The following LRP1B variants were observed in gnomAD, a reference collection of about 807,000 sequenced individuals.
LRP1B encodes the protein LDL receptor related protein 1B.
Under a neutral mutation model 556.6 loss-of-function variants are expected in LRP1B, and 217 were observed. That is an observed-to-expected ratio of 0.39 (90% confidence interval 0.35 to 0.44). The LOEUF is 0.44. Ranked by LOEUF, LRP1B falls within the 20% of genes least tolerant of loss-of-function variation. The pLI is 1.00. For synonymous variants in LRP1B, 2,047 were observed against 1,865.8 expected, an observed-to-expected ratio of 1.10 and a Z score of -2.50; for missense variants, 5,053 against 5,620.8, an observed-to-expected ratio of 0.90 and a Z score of 3.23.
chr2:142,116,311 G>C (rs1349845012), intron 1 of LRP1B, among the ~76,000 whole-genome samples: 1 of 151,778 alleles, frequency 6.6e-6, no homozygotes, highest in Non-Finnish European at 1.5e-5. Flanking sequence ...TACTGAGTAG[G>C]GCACATCTCT....
intron 18 of LRP1B, among the ~76,000 whole-genome samples, chr2:140,953,591 T>C (rs1695784626): frequency 6.6e-6 from 1 of 152,208 alleles, no homozygotes; most frequent in Admixed American, 6.5e-5. Flanking sequence ...AACTGATGGC[T>C]GAACAGGCTT....
At chr2:140,836,576 T>C (rs1691910650) in intron 31 of LRP1B, among the ~76,000 whole-genome samples, 1 of 152,176 alleles carries the variant, frequency 6.6e-6, no homozygotes, top group Non-Finnish European at 1.5e-5. Context: ...AAAGGAGATG[T>C]TAGTGATCTA....
chr2:140,748,749 GATA>G (rs1333324777), intron 35 of LRP1B, among the ~76,000 whole-genome samples: 2 of 87,070 alleles, frequency 2.3e-5, no homozygotes, highest in Non-Finnish European at 4.4e-5. Flanking sequence ...TATATAATAT[GATA>G]TATATTATAT....
intron 3 of LRP1B, among the ~76,000 whole-genome samples, chr2:141,297,553 T>G (rs1686227961): frequency 6.6e-6 from 1 of 152,198 alleles, no homozygotes; most frequent in Non-Finnish European, 1.5e-5. Context: ...GATTTTGATT[T>G]AGCCAGCTGC....
At chr2:140,937,871 G>A (rs769151916) in intron 20 of LRP1B, among the ~76,000 whole-genome samples, 1 of 151,416 alleles carries the variant, frequency 6.6e-6, no homozygotes, top group Non-Finnish European at 1.5e-5. Flanking sequence ...AGTTTTGATA[G>A]CCTCACTGCT....
intron 2 of LRP1B, among the ~76,000 whole-genome samples, chr2:141,787,704 GT>G (rs913682323): frequency 4.6e-5 from 7 of 150,926 alleles, no homozygotes; most frequent in African/African-American, 7.3e-5. Context: ...TATACTAAAA[GT>G]TTTTTTACTG....
chr2:141,032,616 T>G (rs939115293), intron 11 of LRP1B, among the ~76,000 whole-genome samples: 1 of 152,002 alleles, frequency 6.6e-6, no homozygotes, highest in Non-Finnish European at 1.5e-5. Flanking sequence ...AAAATTTGTA[T>G]TTCTTCTTCT....
intron 1 of LRP1B, among the ~76,000 whole-genome samples, chr2:141,836,748 C>T (rs1241442935): frequency 6.6e-6 from 1 of 151,898 alleles, no homozygotes; most frequent in East Asian, 1.9e-4. Context: ...GATCAAAATA[C>T]ATCTTGTTAG....
chr2:140,301,960 C>G (rs781685651), intron 83 of LRP1B, among the ~76,000 whole-genome samples: 1 of 151,786 alleles, frequency 6.6e-6, no homozygotes, highest in Non-Finnish European at 1.5e-5. Context: ...CAAAACTCAC[C>G]TCTAATCACT....
intron 1 of LRP1B, among the ~76,000 whole-genome samples, chr2:142,043,917 T>C (rs192365687): frequency 2.6e-5 from 4 of 151,868 alleles, no homozygotes; most frequent in Non-Finnish European, 5.9e-5. Flanking sequence ...AATAAATTAA[T>C]AATTACAAAC....
At position 141,229,423 on chromosome 2, in the gene LRP1B, G is replaced by T. The variant is rs751207342; in HGVS notation, c.610C>A (p.Pro204Thr). 3 of 1,579,950 alleles carry T rather than the reference G, an allele frequency of 1.9e-6. No homozygotes were observed. Among genetic ancestry groups the T allele is most frequent in the Admixed American group, 3.4e-5 (2 of 59,028 alleles). The change falls in exon 6 of 91, where the codon CCT (proline) becomes ACT (threonine). Residue 204 changes from proline to threonine, a missense_variant. Physicochemically the swap from Pro to Thr is conservative, Grantham distance 38 (BLOSUM62 -1). Coordinates refer to ENST00000389484, the MANE Select transcript of LRP1B (RefSeq NM_018557.3). Reference sequence around the variant, plus strand: ...TCAAAATTTGCAATTAATAGTATAGGTGGTCTATCTGTAGGTTCTGGAATA... The same window carrying T: ...TCAAAATTTGCAATTAATAGTATAGTTGGTCTATCTGTAGGTTCTGGAATA... ...KAKIEPTDRPPILLIANFETI... is the reference protein window; with the variant it reads ...KAKIEPTDRPTILLIANFETI...
chr2:140,553,751 C>T (rs1255147330), intron 43 of LRP1B, among the ~76,000 whole-genome samples: 1 of 151,918 alleles, frequency 6.6e-6, no homozygotes, highest in Admixed American at 6.6e-5. Flanking sequence ...TGGTAGAGGA[C>T]CCTGGAGCTG....
chr2:141,105,813 T>G lies in LRP1B; in HGVS notation c.1014-43540A>C, dbSNP rs188152085. On this transcript the variant is annotated intron_variant, in intron 7 of 90. Coordinates refer to ENST00000389484, the MANE Select transcript of LRP1B (RefSeq NM_018557.3). ...AATTAAAGTGATTTTCAAAATGTATTTTTTTGGTCATATGATAGCTATTGT... is the reference window on the plus strand; with the variant it reads ...AATTAAAGTGATTTTCAAAATGTATGTTTTTGGTCATATGATAGCTATTGT... 1.4e-4 allele frequency among the ~76,000 whole-genome samples: 22 copies of G among 152,304 alleles called. No homozygotes were observed. The East Asian group carries it at 4.2e-3, about 29-fold the overall frequency.
intron 6 of LRP1B, among the ~76,000 whole-genome samples, chr2:141,193,089 C>T (rs1399804165): frequency 2.6e-5 from 4 of 151,900 alleles, no homozygotes; most frequent in Non-Finnish European, 4.4e-5. Context: ...ATAACAGATG[C>T]TGGCAAGGTT....
chr2:142,121,842 AACAC>A (rs1707464575), intron 1 of LRP1B, among the ~76,000 whole-genome samples: 1 of 152,148 alleles, frequency 6.6e-6, no homozygotes, highest in African/African-American at 2.4e-5. Flanking sequence ...TGAGTGAATA[AACAC>A]ATGAGTGATC....
At chr2:140,779,781 T>A (rs1573708043) in intron 32 of LRP1B, among the ~76,000 whole-genome samples, 1 of 149,546 alleles carries the variant, frequency 6.7e-6, no homozygotes, top group African/African-American at 2.5e-5. Flanking sequence ...TGTGTGTGTG[T>A]GTGTAGCAGT....
At chr2:140,439,252 A>G (rs995772439) in intron 66 of LRP1B, among the ~76,000 whole-genome samples, 2 of 152,206 alleles carry the variant, frequency 1.3e-5, no homozygotes, top group Non-Finnish European at 2.9e-5. Context: ...TTGGTCAGAC[A>G]TTCAAATCTG....
chr2:140,898,587 T>G (rs1694015508), intron 23 of LRP1B: 4 of 341,608 alleles, frequency 1.2e-5, no homozygotes, highest in South Asian at 9.6e-5. Flanking sequence ...ACCTACCACT[T>G]TTGCTGATAC....
intron 32 of LRP1B, 113 bp from the exon 33 acceptor site, chr2:140,776,351 CTG>C (rs1689498215): frequency 2.9e-6 from 2 of 688,464 alleles, no homozygotes; most frequent in East Asian, 7.3e-5. Context: ...TTTCCAAACT[CTG>C]TTTCTAAGGG....
Sources: gnomAD v4.1 joint callset for allele counts (sites outside exome capture counted in the v4.1 genomes callset) on GRCh38, gnomAD v4.1.1 for gene constraint, MANE v1.5 for transcripts, NCBI Gene and HGNC (gene_info 2026-07-23, HGNC 2026-07-21) for gene names.